MIA2: variants seen among roughly 807,000 people sequenced by gnomAD.
The protein encoded by MIA2 is melanoma inhibitory activity protein 2.
A neutral mutation model predicts 167.8 loss-of-function variants in MIA2; 127 were observed. The ratio of observed to expected loss-of-function variants is 0.76; its 90% CI spans 0.66 to 0.88. The LOEUF (loss-of-function observed/expected upper bound fraction) is 0.88, where lower values mean the gene tolerates loss of function less well. MIA2 is among the 40% of genes least tolerant of loss of function. The pLI, the probability that MIA2 is intolerant of heterozygous loss-of-function variation, is 0.00. For synonymous variants in MIA2, 552 were observed against 541.9 expected (o/e 1.02, Z -0.26); for missense variants, 1,690 against 1,624.7 (o/e 1.04, Z -0.69).
chr14:39,359,130 G>T (rs1212194555), intron 23 of MIA2, among the ~76,000 whole-genome samples: 3 of 152,166 alleles, frequency 2.0e-5, no homozygotes, highest in South Asian at 4.1e-4. Flanking sequence ...CTTTTGTTTG[G>T]CTGTGCCCTG....
At position 39,268,383 on chromosome 14, in the gene MIA2, A is replaced by G. The variant is rs2056434024; in HGVS notation, c.1888-8551A>G. ...TATTTAATATGAAAAGAGCACCTTTATGGAGATTCTAAATGGACTAAGACT... is the reference window on the plus strand; with the variant it reads ...TATTTAATATGAAAAGAGCACCTTTGTGGAGATTCTAAATGGACTAAGACT... On this transcript the variant is annotated intron_variant, in intron 6 of 28. Transcript: ENST00000640607. Among the ~76,000 whole-genome samples the G allele has an allele frequency of 2.0e-5, 3 of 152,258 alleles. No individual in the cohort carries two copies. In the South Asian group the frequency reaches 6.2e-4, roughly 32 times the overall value.
intron 18 of MIA2, among the ~76,000 whole-genome samples, chr14:39,309,520 A>G (rs986505576): frequency 6.6e-6 from 1 of 152,104 alleles, no homozygotes; most frequent in African/African-American, 2.4e-5. Context: ...GTTTCCTTAT[A>G]TATTTGAATG....
intron 25 of MIA2, among the ~76,000 whole-genome samples, chr14:39,344,374 T>G (rs1000553491): frequency 6.6e-6 from 1 of 152,196 alleles, no homozygotes; most frequent in Non-Finnish European, 1.5e-5. Context: ...AAACTGAGTT[T>G]AGATCTCAGT....
intron 9 of MIA2, among the ~76,000 whole-genome samples, chr14:39,288,466 T>TGTTTG (rs2060204952): frequency 2.6e-5 from 1 of 37,746 alleles, no homozygotes; most frequent in African/African-American, 1.4e-4. Context: ...TATATATATA[T>TGTTTG]ATATATATAT....
At chr14:39,320,233 AT>A (rs1164799051) in intron 23 of MIA2, among the ~76,000 whole-genome samples, 3 of 152,050 alleles carry the variant, frequency 2.0e-5, no homozygotes, top group Non-Finnish European at 4.4e-5. Flanking sequence ...TAAAAATGTT[AT>A]TTTGGTGGTT....
At chr14:39,267,025 G>A (rs1435906589) in intron 6 of MIA2, 3 of 996,454 alleles carry the variant, frequency 3.0e-6, no homozygotes. Context: ...TACCAGGGCT[G>A]GGTGGCTTCG....
chr14:39,277,722 A>ATATATATATATATATATATGTGTG (rs2058307152), intron 7 of MIA2, among the ~76,000 whole-genome samples: 39 of 2,770 alleles, frequency 0.014, 6 homozygotes, highest in Admixed American at 0.096. Context: ...ATATGTGTGT[A>ATATATATATATATATATATGTGTG]TATATATATA....
chr14:39,348,636 A>G, intron 27 of MIA2, 107 bp from the exon 28 acceptor site: 5 of 1,463,420 alleles, frequency 3.4e-6, no homozygotes, highest in African/African-American at 1.4e-5. Context: ...TTCTAAGACT[A>G]TCATGGAATG....
chr14:39,383,411 G>T (rs2075208258), intron 23 of MIA2, among the ~76,000 whole-genome samples: 1 of 152,136 alleles, frequency 6.6e-6, no homozygotes, highest in Admixed American at 6.5e-5. Flanking sequence ...TAACTGAATT[G>T]ACAGATGTAT....
downstream of MIA2, chr14:39,351,362 A>G (rs1329981199): frequency 6.9e-6 from 1 of 144,410 alleles, no homozygotes; most frequent in African/African-American, 2.6e-5. Context: ...CTCCCTTTCT[A>G]TTCTAACCCT....
At chr14:39,312,226 CCT>C (rs2064444203) in intron 18 of MIA2, among the ~76,000 whole-genome samples, 1 of 152,308 alleles carries the variant, frequency 6.6e-6, no homozygotes, top group East Asian at 1.9e-4. Flanking sequence ...GGTACATAAA[CCT>C]CACCTTTTAT....
intron 24 of MIA2, among the ~76,000 whole-genome samples, chr14:39,325,101 T>C (rs1021339552): frequency 1.3e-5 from 2 of 152,060 alleles, no homozygotes; most frequent in African/African-American, 4.8e-5. Context: ...CACATGCCTG[T>C]TGTCCCAGCT....
intron 26 of MIA2, among the ~76,000 whole-genome samples, chr14:39,346,526 A>G (rs1360914686): frequency 6.6e-6 from 1 of 152,092 alleles, no homozygotes; most frequent in Non-Finnish European, 1.5e-5. Flanking sequence ...ATAGCAACCC[A>G]TTAAAGTTGG....
intron 9 of MIA2, among the ~76,000 whole-genome samples, chr14:39,284,984 T>C (rs1480194434): frequency 2.6e-4 from 39 of 152,176 alleles, no homozygotes; most frequent in Non-Finnish European, 1.0e-4. Flanking sequence ...AGCATCTGTT[T>C]AGCAAAGCAC....
rs1217151815 is a variant in MIA2, at chr14:39,319,204, T to G, written c.3285-5T>G. ...AACTTAGAGATGTTTGTTCTTTATT[T>G]GCAGATTAACTGAAACAGAGCTTAA... On this transcript the variant is annotated splice_region_variant and splice_polypyrimidine_tract_variant and intron_variant, in intron 22 of 28. Transcript: ENST00000640607. 1.3e-6 allele frequency: 2 copies of G among 1,524,332 alleles called. No homozygotes were observed. The highest frequency in any genetic ancestry group is 3.8e-5 in the Admixed American group (2 of 53,000). 94.4% of individuals were successfully genotyped at this position (1,524,332 alleles called of 1,614,324 possible). A position where few individuals can be genotyped will look rare whatever the true frequency, so the allele number is the denominator to read the frequency against.
chr14:39,262,628 T>C (rs1405337151), intron 6 of MIA2, among the ~76,000 whole-genome samples: 2 of 152,236 alleles, frequency 1.3e-5, no homozygotes, highest in East Asian at 3.8e-4. Flanking sequence ...TTCACAATAT[T>C]GATTCTTCCT....
At chr14:39,286,641 A>T (rs1395162485) in intron 9 of MIA2, among the ~76,000 whole-genome samples, 1 of 149,152 alleles carries the variant, frequency 6.7e-6, no homozygotes, top group Non-Finnish European at 1.5e-5. Flanking sequence ...AGATAATTTT[A>T]CTTCTCTGAT....
intron 10 of MIA2, among the ~76,000 whole-genome samples, chr14:39,291,432 A>G (rs1218580376): frequency 6.6e-6 from 1 of 152,212 alleles, no homozygotes; most frequent in Non-Finnish European, 1.5e-5. Context: ...TTTGCTCTAG[A>G]AAGGAGAAAT....
chr14:39,295,205 G>A (rs971547732), intron 13 of MIA2, among the ~76,000 whole-genome samples, 176 bp downstream of exon 13: 1 of 152,166 alleles, frequency 6.6e-6, no homozygotes, highest in Non-Finnish European at 1.5e-5. Flanking sequence ...ATACAAAAGT[G>A]TATACTTTTG....
Sources: allele counts gnomAD v4.1 joint callset (sites outside exome capture counted in the v4.1 genomes callset), GRCh38; gene constraint gnomAD v4.1.1; transcripts MANE v1.5; gene names NCBI Gene and HGNC (gene_info 2026-07-23, HGNC 2026-07-21).